Variants in DOK6 observed in about 807,000 individuals in gnomAD.
The protein encoded by DOK6 is docking protein 6.
A neutral mutation model predicts 44.0 loss-of-function variants in DOK6; 22 were observed. The observed-to-expected ratio is 0.50, with a 90% CI of 0.36 to 0.71. The LOEUF (loss-of-function observed/expected upper bound fraction) is 0.71, where lower values mean the gene tolerates loss of function less well. DOK6 is among the 30% of genes least tolerant of loss of function. The pLI, the probability that DOK6 is intolerant of heterozygous loss-of-function variation, is 0.00. For synonymous variants in DOK6, 166 were observed against 145.5 expected, an observed-to-expected ratio of 1.14 and a Z score of -1.01; for missense variants, 340 against 416.4, an observed-to-expected ratio of 0.82 and a Z score of 1.60.
chr18:69,689,719 A>T (rs1986224587), intron 4 of DOK6, among the ~76,000 whole-genome samples: 1 of 152,164 alleles, frequency 6.6e-6, no homozygotes, highest in South Asian at 2.1e-4. Flanking sequence ...ATAGTACAGT[A>T]AACTCTATGA....
chr18:69,701,223 A>C (rs535939998), intron 5 of DOK6, among the ~76,000 whole-genome samples: 1 of 152,348 alleles, frequency 6.6e-6, no homozygotes, highest in East Asian at 1.9e-4. Context: ...AGTGTGGGGC[A>C]GAAGGAGAAC....
At chr18:69,726,562 T>C (rs1034604211) in intron 5 of DOK6, among the ~76,000 whole-genome samples, 1 of 152,088 alleles carries the variant, frequency 6.6e-6, no homozygotes, top group Non-Finnish European at 1.5e-5. Flanking sequence ...CTTAGTCCAT[T>C]TGGACTGCTA....
At chr18:69,567,320 T>C (rs574857432) in intron 2 of DOK6, among the ~76,000 whole-genome samples, 3 of 152,040 alleles carry the variant, frequency 2.0e-5, no homozygotes, top group South Asian at 2.1e-4. Context: ...TCTTTATTTT[T>C]TAAAAAAATA....
intron 1 of DOK6, among the ~76,000 whole-genome samples, chr18:69,464,384 C>T (rs1291682936): frequency 2.6e-5 from 4 of 152,122 alleles, no homozygotes; most frequent in African/African-American, 9.7e-5. Context: ...GTCCACTTTC[C>T]TCTTCTCTAG....
At chr18:69,435,990 T>C (rs1978965456) in intron 1 of DOK6, among the ~76,000 whole-genome samples, 2 of 152,158 alleles carry the variant, frequency 1.3e-5, no homozygotes, top group South Asian at 2.1e-4. Context: ...CTTTTCTTTC[T>C]AATTTTTGTG....
chr18:69,672,327 G>A (rs1006375876), intron 3 of DOK6, among the ~76,000 whole-genome samples: 1 of 152,136 alleles, frequency 6.6e-6, no homozygotes, highest in African/African-American at 2.4e-5. Context: ...GCTGAAACAA[G>A]CATTTAGGTG....
intron 1 of DOK6, among the ~76,000 whole-genome samples, chr18:69,458,549 A>C (rs1165820161): frequency 6.6e-6 from 1 of 152,200 alleles, no homozygotes; most frequent in Non-Finnish European, 1.5e-5. Context: ...CAGAGAAGTC[A>C]GGCAAGGGAA....
At chr18:69,714,691 A>T (rs1986841970) in intron 5 of DOK6, among the ~76,000 whole-genome samples, 1 of 152,222 alleles carries the variant, frequency 6.6e-6, no homozygotes, top group Admixed American at 6.5e-5. Context: ...TTAAATACCA[A>T]TATACCAATT....
At chr18:69,706,600 G>A (rs1033055523) in intron 5 of DOK6, among the ~76,000 whole-genome samples, 1 of 150,896 alleles carries the variant, frequency 6.6e-6, no homozygotes, top group East Asian at 2.0e-4. Context: ...ATGTATACAT[G>A]TGCCATGCTG....
chr18:69,637,328 T>C (rs1044577280), intron 3 of DOK6, among the ~76,000 whole-genome samples: 4 of 152,234 alleles, frequency 2.6e-5, no homozygotes, highest in Non-Finnish European at 5.9e-5. Flanking sequence ...TCTCCCTTTT[T>C]TGAAAATTTG....
At chr18:69,462,031 C>T (rs1464628153) in intron 1 of DOK6, among the ~76,000 whole-genome samples, 2 of 152,136 alleles carry the variant, frequency 1.3e-5, no homozygotes, top group East Asian at 1.9e-4. Context: ...GACAAATTCC[C>T]TTGAAATTTC....
chr18:69,456,294 T>C (rs1171523837), intron 1 of DOK6, among the ~76,000 whole-genome samples: 1 of 152,116 alleles, frequency 6.6e-6, no homozygotes, highest in Admixed American at 6.6e-5. Flanking sequence ...TAGGTAATTT[T>C]TCAACCCATG....
At chr18:69,677,643 C>T (rs1985952514) in intron 3 of DOK6, 91 bp from the exon 4 acceptor site, 3 of 1,592,536 alleles carry the variant, frequency 1.9e-6, no homozygotes, top group Admixed American at 3.4e-5. Flanking sequence ...TTAACTCTTG[C>T]CAGTTACCTG....
At chr18:69,833,694 T>C (rs1375162750) in intron 7 of DOK6, among the ~76,000 whole-genome samples, 2 of 151,902 alleles carry the variant, frequency 1.3e-5, no homozygotes, top group East Asian at 3.9e-4. Context: ...AATATATAAA[T>C]AACTCAAACA....
intron 3 of DOK6, among the ~76,000 whole-genome samples, chr18:69,639,222 G>A (rs78514606): frequency 6.6e-6 from 1 of 152,152 alleles, no homozygotes; most frequent in African/African-American, 2.4e-5. Context: ...CAGAATCCTA[G>A]ACTCTTAAGA....
chr18:69,739,052 C>G lies in DOK6; in HGVS notation c.687C>G (p.Ala229=), dbSNP rs780871919. 1 of 1,614,106 alleles carries G rather than the reference C, an allele frequency of 6.2e-7. No individual in the cohort carries two copies. The highest frequency in any genetic ancestry group is 1.7e-5 in the Admixed American group (1 of 60,014). Residue 229 remains alanine (A), a synonymous_variant, in exon 6 of 8, where the codon GCC becomes GCG. Transcript: ENST00000382713. The part of the protein sequence containing the change: ...IYQKVHSATL[A]IAEQHERLML... ...AGAAGGTTCATTCTGCGACACTGGC[C>G]ATAGCTGAGCAACATGAAAGATTAA... is the stretch of plus-strand genomic sequence containing the variant.
intron 7 of DOK6, among the ~76,000 whole-genome samples, chr18:69,825,626 G>A (rs2145128090): frequency 6.6e-6 from 1 of 151,220 alleles, no homozygotes; most frequent in South Asian, 2.1e-4. Context: ...TAGTAGAGAC[G>A]GGGTTTCACC....
chr18:69,508,685 G>A lies in DOK6; in HGVS notation c.67-55802G>A, dbSNP rs1009147534. Among the ~76,000 whole-genome samples the A allele has an allele frequency of 2.0e-5, 3 of 152,258 alleles. No homozygotes were observed. The East Asian group carries it at 5.8e-4, about 29-fold the overall frequency. On this transcript the variant is annotated intron_variant, in intron 1 of 7. Coordinates refer to ENST00000382713, the MANE Select transcript of DOK6 (RefSeq NM_152721.6). ...AAATTGGCGTGATGGGTCAAGTTTG[G>A]CACTAAGTGTATTTATGGATCTACA...
intron 1 of DOK6, among the ~76,000 whole-genome samples, chr18:69,449,686 G>A (rs1482502433): frequency 6.6e-6 from 1 of 152,074 alleles, no homozygotes; most frequent in Non-Finnish European, 1.5e-5. Flanking sequence ...GAGAGCAGTG[G>A]TTCTCCCAGC....
Sources: allele counts gnomAD v4.1 joint callset (sites outside exome capture counted in the v4.1 genomes callset), GRCh38; gene constraint gnomAD v4.1.1; transcripts MANE v1.5; gene names NCBI Gene and HGNC (gene_info 2026-07-23, HGNC 2026-07-21).